BCAS1: variants seen among roughly 807,000 people sequenced by gnomAD.
BCAS1 encodes the protein breast carcinoma-amplified sequence 1.
BCAS1 carries 46 observed loss-of-function variants against 65.4 expected under a neutral mutation model. That is an observed-to-expected ratio of 0.70 (90% CI 0.55 to 0.90). The LOEUF (loss-of-function observed/expected upper bound fraction) is 0.90. Among genes scored for constraint, BCAS1 ranks in the 40% least tolerant of loss-of-function variants. BCAS1 has a pLI of 0.00. For synonymous variants in BCAS1, 298 were observed against 293.5 expected (o/e 1.02, Z -0.16); for missense variants, 793 against 771.2 (o/e 1.03, Z -0.33).
chr20:54,042,938 T>C (rs2299701), intron 3 of BCAS1, among the ~76,000 whole-genome samples: 28,004 of 152,228 alleles, frequency 0.18, 2,658 homozygotes, highest in East Asian at 0.32. Context: ...CCCTGCTTGC[T>C]GAGAGTGTCA....
intron 4 of BCAS1, among the ~76,000 whole-genome samples, chr20:54,001,366 C>T (rs2091050752): frequency 6.6e-6 from 1 of 152,182 alleles, no homozygotes; most frequent in Non-Finnish European, 1.5e-5. Context: ...AACAAGCCCC[C>T]TTTATTCTTG....
chr20:53,967,616 G>A (rs1424161461), intron 9 of BCAS1, among the ~76,000 whole-genome samples: 1 of 152,200 alleles, frequency 6.6e-6, no homozygotes, highest in Non-Finnish European at 1.5e-5. Flanking sequence ...CCCTAGAACA[G>A]TCATTTGCCA....
chr20:53,972,339 G>C (rs576786014), intron 9 of BCAS1, among the ~76,000 whole-genome samples: 4 of 152,308 alleles, frequency 2.6e-5, no homozygotes, highest in South Asian at 2.1e-4. Context: ...CACTGAGTCA[G>C]CTGTGAGCTG....
At chr20:54,046,233 G>A (rs1157927225) in intron 3 of BCAS1, among the ~76,000 whole-genome samples, 2 of 152,156 alleles carry the variant, frequency 1.3e-5, no homozygotes, top group African/African-American at 4.8e-5. Context: ...ATGATTCCAT[G>A]CATTAAGAAT....
At chr20:54,069,857 G>C (rs1531486) in intron 1 of BCAS1, among the ~76,000 whole-genome samples, 54,470 of 152,024 alleles carry the variant, frequency 0.36, 10,586 homozygotes, top group Middle Eastern at 0.51. Flanking sequence ...TAATCGCAAT[G>C]ACTCTTCCAG....
At chr20:54,065,161 T>A (rs971774635) in intron 1 of BCAS1, among the ~76,000 whole-genome samples, 3 of 132,530 alleles carry the variant, frequency 2.3e-5, no homozygotes, top group Non-Finnish European at 3.3e-5. Flanking sequence ...TCTATCTATC[T>A]ATCATCTACT....
chr20:53,973,597 T>C (rs2090241354), intron 9 of BCAS1, among the ~76,000 whole-genome samples: 1 of 152,204 alleles, frequency 6.6e-6, no homozygotes. Flanking sequence ...TTTAGAAAAC[T>C]CAGAACCTCA....
chr20:53,999,289 G>A (rs1267593113), intron 4 of BCAS1, among the ~76,000 whole-genome samples: 1 of 152,136 alleles, frequency 6.6e-6, no homozygotes, highest in Non-Finnish European at 1.5e-5. Flanking sequence ...AACAATGCTT[G>A]TTTATGCTTG....
intron 12 of BCAS1, among the ~76,000 whole-genome samples, chr20:53,947,267 T>G (rs1453277262): frequency 6.6e-6 from 1 of 152,206 alleles, no homozygotes; most frequent in Non-Finnish European, 1.5e-5. Context: ...GAACAATCTT[T>G]GTCACACAGT....
intron 4 of BCAS1, 21 bp downstream of exon 4, chr20:54,028,371 G>T: frequency 6.2e-7 from 1 of 1,613,656 alleles, no homozygotes; most frequent in Non-Finnish European, 8.5e-7. Context: ...GAACCAAGTG[G>T]ATACACCTTG....
chr20:53,966,027 T>C (rs2090016530), intron 10 of BCAS1, among the ~76,000 whole-genome samples: 1 of 152,278 alleles, frequency 6.6e-6, no homozygotes, highest in East Asian at 1.9e-4. Flanking sequence ...ACACTGTAGG[T>C]GGGAATGTGA....
intron 3 of BCAS1, among the ~76,000 whole-genome samples, chr20:54,030,415 T>C (rs2091773017): frequency 6.6e-6 from 1 of 152,350 alleles, no homozygotes; most frequent in East Asian, 1.9e-4. Flanking sequence ...TGCTTAGTAA[T>C]TGACAGATAC....
Position 53,964,490 on chromosome 20 carries a change from C to T in BCAS1, c.1485+2416G>A, listed in dbSNP as rs371526473. 4.6e-5 allele frequency among the ~76,000 whole-genome samples: 7 copies of T among 152,318 alleles called. No homozygotes were observed. In the South Asian group the frequency reaches 1.0e-3, roughly 23 times the overall value. ...CAAAGATAATGTTCGTGTTCCCAGG[C>T]CTTTTCGTGGGCAACTGGTAATAAG... On this transcript the variant is annotated intron_variant, in intron 10 of 12. Coordinates refer to ENST00000688948, the MANE Select transcript of BCAS1 (RefSeq NM_001366298.2).
chr20:54,012,385 G>A (rs2091340624), intron 4 of BCAS1, among the ~76,000 whole-genome samples: 4 of 151,406 alleles, frequency 2.6e-5, no homozygotes, highest in Admixed American at 6.6e-5. Flanking sequence ...AGATGTTACC[G>A]TTGAGTGACG....
intron 3 of BCAS1, among the ~76,000 whole-genome samples, chr20:54,048,007 T>C (rs1321445149): frequency 6.6e-6 from 1 of 152,182 alleles, no homozygotes; most frequent in South Asian, 2.1e-4. Flanking sequence ...TAGTTGAGCA[T>C]AGAAAGTTGT....
At chr20:54,022,811 G>T (rs1334470410) in intron 4 of BCAS1, among the ~76,000 whole-genome samples, 2 of 152,186 alleles carry the variant, frequency 1.3e-5, no homozygotes, top group African/African-American at 4.8e-5. Context: ...CAACCACACA[G>T]CTATTTAGTG....
chr20:54,032,054 G>A lies in BCAS1; in HGVS notation c.143-3082C>T, dbSNP rs150134626. Among the ~76,000 whole-genome samples, 1,105 of 151,278 alleles carry A rather than the reference G, an allele frequency of 7.3e-3. 53 individuals carry two copies. The highest frequency in any genetic ancestry group is 0.012 in the Non-Finnish European group (821 of 67,542). ...TCATCAGATTCTCCAAAGTTGAAAT[G>A]TAAGAAAAAATGCTAAAGGCAACTA... On this transcript the variant is annotated intron_variant, in intron 3 of 12. Transcript: ENST00000688948.
At chr20:54,056,620 T>G (rs1255002294) in intron 3 of BCAS1, among the ~76,000 whole-genome samples, 1 of 152,122 alleles carries the variant, frequency 6.6e-6, no homozygotes, top group African/African-American at 2.4e-5. Flanking sequence ...TAAAAGAACC[T>G]TCTACAGAGC....
In BCAS1 at chr20:54,028,419, C is replaced by A; in HGVS notation, c.696G>T (p.Gly232=). ...DKVDEVPGLS[G]QSDDVPAGKD... Reference sequence around the variant, plus strand: ...TCCCTGCAGGGACATCATCGGACTGCCCTGATAAGCCAGGAACCTCATCCA... The same window carrying A: ...TCCCTGCAGGGACATCATCGGACTGACCTGATAAGCCAGGAACCTCATCCA... The change falls in exon 4 of 13, where the codon GGG becomes GGT. Residue 232 remains glycine (G), a synonymous_variant. Coordinates refer to ENST00000688948, the MANE Select transcript of BCAS1 (RefSeq NM_001366298.2). 1 of 1,614,212 alleles carries A rather than the reference C, an allele frequency of 6.2e-7. No homozygotes were observed. The highest frequency in any genetic ancestry group is 8.5e-7 in the Non-Finnish European group (1 of 1,180,026).
Sources: allele counts gnomAD v4.1 joint callset (sites outside exome capture counted in the v4.1 genomes callset), GRCh38; gene constraint gnomAD v4.1.1; transcripts MANE v1.5; gene names NCBI Gene and HGNC (gene_info 2026-07-23, HGNC 2026-07-21).